Variants in BLNK observed in about 807,000 individuals in gnomAD.
BLNK encodes B cell linker, also known as B-cell linker protein.
BLNK carries 29 observed loss-of-function variants against 73.5 expected under a neutral mutation model. The ratio of observed to expected loss-of-function variants is 0.39; its 90% CI spans 0.29 to 0.54. The LOEUF (loss-of-function observed/expected upper bound fraction) is 0.54, where lower values mean the gene tolerates loss of function less well. Ranked by LOEUF, BLNK falls within the 20% of genes least tolerant of loss-of-function variation. BLNK has a pLI of 0.61. For synonymous variants in BLNK, 176 were observed against 200.8 expected, an observed-to-expected ratio of 0.88 and a Z score of 1.04; for missense variants, 460 against 562.8, an observed-to-expected ratio of 0.82 and a Z score of 1.85.
intron 1 of BLNK, among the ~76,000 whole-genome samples, chr10:96,268,096 G>A (rs1327513710): frequency 6.6e-6 from 1 of 152,068 alleles, no homozygotes; most frequent in Non-Finnish European, 1.5e-5. Flanking sequence ...AGATAACTGG[G>A]GAGACCCGAT....
intron 4 of BLNK, among the ~76,000 whole-genome samples, chr10:96,229,806 C>T (rs1842429252): frequency 6.6e-6 from 1 of 152,086 alleles, no homozygotes; most frequent in Middle Eastern, 3.4e-3. Flanking sequence ...GAAAAGTCAC[C>T]CCTTCCCCTC....
At chr10:96,197,408 G>A (rs916975492) in intron 15 of BLNK, among the ~76,000 whole-genome samples, 5 of 152,212 alleles carry the variant, frequency 3.3e-5, no homozygotes, top group South Asian at 4.2e-4. Flanking sequence ...GAGTTCAAGC[G>A]ATCCTCCCAC....
intron 3 of BLNK, among the ~76,000 whole-genome samples, chr10:96,236,225 C>T (rs1842684875): frequency 6.6e-6 from 1 of 152,128 alleles, no homozygotes; most frequent in Non-Finnish European, 1.5e-5. Flanking sequence ...CTGGAGGCTA[C>T]CCGGCCGCCA....
At chr10:96,207,495 T>C (rs1385234335) in intron 10 of BLNK, among the ~76,000 whole-genome samples, 1 of 152,240 alleles carries the variant, frequency 6.6e-6, no homozygotes, top group African/African-American at 2.4e-5. Flanking sequence ...AGGTTCACCA[T>C]GTTCTGGCCA....
chr10:96,190,989 C>A lies in BLNK; in HGVS notation c.*984G>T, dbSNP rs1228293775. Among the ~76,000 whole-genome samples, 1 of 152,140 alleles carries A rather than the reference C, an allele frequency of 6.6e-6. No homozygotes were observed. The highest frequency in any genetic ancestry group is 1.5e-5 in the Non-Finnish European group (1 of 68,026). ...ACCCAAATCTCATCTTGAATTGTAG[C>A]TCCCATAATCCCCACGTGCCATGGG... On this transcript the variant is annotated 3_prime_UTR_variant, in exon 17 of 17. Transcript: ENST00000224337.
Position 96,227,471 on chromosome 10 carries a change from T to A in BLNK, c.300A>T (p.Pro100=), listed in dbSNP as rs782066010. 1 of 1,614,230 alleles carries A rather than the reference T, an allele frequency of 6.2e-7. No homozygotes were observed. Among genetic ancestry groups the A allele is most frequent in the Non-Finnish European group, 8.5e-7 (1 of 1,180,054 alleles). ...GAACCGGCCTGGTTTCCTGCTCTAC[T>A]GGAGGCGGCTCGTAGCTGTCATCAG... ...ENADDSYEPP[P]VEQETRPVHP... is the part of the protein sequence containing the mutation. Residue 100 remains proline, a synonymous_variant, in exon 5 of 17, where the codon CCA becomes CCT. Transcript: ENST00000224337.
In BLNK at chr10:96,190,222, G is replaced by T; in HGVS notation, c.*1751C>A. 1 of 759,546 alleles carries T rather than the reference G, an allele frequency of 1.3e-6. No homozygotes were observed. The highest frequency in any genetic ancestry group is 2.4e-6 in the Non-Finnish European group (1 of 418,864). 47.1% of individuals were successfully genotyped at this position (759,546 alleles called of 1,614,324 possible). ...TCCATGTCCATCGAATCTTCCATCA[G>T]GTGGCGGCACACACTTAGGTGGGAG... On this transcript the variant is annotated 3_prime_UTR_variant, in exon 17 of 17. Transcript: ENST00000224337.
At chr10:96,197,598 T>C (rs1245137512) in intron 15 of BLNK, among the ~76,000 whole-genome samples, 2 of 152,146 alleles carry the variant, frequency 1.3e-5, no homozygotes, top group Non-Finnish European at 2.9e-5. Context: ...CAGTTGTCTA[T>C]GAAAAAAAAT....
rs2083611500 is a variant in BLNK, at chr10:96,200,767, G to A, written c.1011+215C>T. Among the ~76,000 whole-genome samples the A allele has an allele frequency of 6.6e-6, 1 of 151,878 alleles. No individual in the cohort carries two copies. Among genetic ancestry groups the A allele is most frequent in the Non-Finnish European group, 1.5e-5 (1 of 67,974 alleles). On this transcript the variant is annotated intron_variant, in intron 14 of 16. Coordinates refer to ENST00000224337, the MANE Select transcript of BLNK (RefSeq NM_013314.4). This position sits in a 1 kb window ranked among gnomAD's most constrained non-coding sequence, Gnocchi z 4.3. The stretch of plus-strand genomic sequence containing the variant: ...ATAATGAAAACACATTTCCTTGCTA[G>A]TTTTGAGGAAACATTAACTGGAGCA...
At chr10:96,264,565 C>A (rs1291762483) in intron 1 of BLNK, among the ~76,000 whole-genome samples, 8 of 151,890 alleles carry the variant, frequency 5.3e-5, no homozygotes, top group Admixed American at 3.3e-4. Context: ...CAGATTCAAT[C>A]GAAACCAATT....
At chr10:96,214,865 T>C (rs1350872585) in intron 8 of BLNK, among the ~76,000 whole-genome samples, 1 of 152,180 alleles carries the variant, frequency 6.6e-6, no homozygotes, top group Non-Finnish European at 1.5e-5. Context: ...GTAGGGGCTA[T>C]GAGCACCATT....
At chr10:96,217,459 C>T (rs1301598671) in intron 6 of BLNK, among the ~76,000 whole-genome samples, 1 of 152,178 alleles carries the variant, frequency 6.6e-6, no homozygotes, top group Middle Eastern at 3.2e-3. Flanking sequence ...TTTTTCATAT[C>T]CTCACCAACA....
rs114466954 is a variant in BLNK, at chr10:96,270,200, T to C, written c.47+1152A>G. On this transcript the variant is annotated intron_variant, in intron 1 of 16. Coordinates refer to ENST00000224337, the MANE Select transcript of BLNK (RefSeq NM_013314.4). ...GATGTTGCCTACTGATCCCAGATCA[T>C]TGATGCATTTCACATTACCTTTTAC... Among the ~76,000 whole-genome samples, 490 of 152,318 alleles carry C rather than the reference T, an allele frequency of 3.2e-3. 7 individuals are homozygous for C. The highest frequency in any genetic ancestry group is 0.011 in the African/African-American group (471 of 41,566).
chr10:96,206,918 G>T (rs928932355), intron 11 of BLNK, 93 bp downstream of exon 11: 1 of 1,340,532 alleles, frequency 7.5e-7, no homozygotes, highest in Non-Finnish European at 1.1e-6. Context: ...GTTTACAATT[G>T]CCCCAAAAAT....
chr10:96,247,257 C>T (rs1487835429), intron 1 of BLNK, among the ~76,000 whole-genome samples: 2 of 152,210 alleles, frequency 1.3e-5, no homozygotes, highest in African/African-American at 4.8e-5. Context: ...AATATGGTCA[C>T]TGGGCTGTGT....
intron 7 of BLNK, among the ~76,000 whole-genome samples, chr10:96,215,608 AT>A (rs1471140446): frequency 6.6e-6 from 1 of 152,202 alleles, no homozygotes; most frequent in Non-Finnish European, 1.5e-5. Flanking sequence ...CAGATTCATA[AT>A]TTGATATATT....
In BLNK at chr10:96,191,191, G is replaced by T. The variant is rs1237656385; in HGVS notation, c.*782C>A. 1.3e-5 allele frequency among the ~76,000 whole-genome samples: 2 copies of T among 149,636 alleles called. No individual in the cohort carries two copies. The highest frequency in any genetic ancestry group is 3.0e-5 in the Non-Finnish European group (2 of 67,734). ...TTCTTCTTTGCCTTCTGCCATGATT[G>T]TGAGGCCTCCCCAACCATGTGGAAC... On this transcript the variant is annotated 3_prime_UTR_variant, in exon 17 of 17. Transcript: ENST00000224337.
At chr10:96,211,255 G>A (rs2083941281) in intron 8 of BLNK, among the ~76,000 whole-genome samples, 1 of 152,126 alleles carries the variant, frequency 6.6e-6, no homozygotes, top group Admixed American at 6.5e-5. Flanking sequence ...ATGAGATAGA[G>A]CACAGATAAG....
At chr10:96,199,471 C>T (rs781853891) in intron 15 of BLNK, 1 of 460,070 alleles carries the variant, frequency 2.2e-6, no homozygotes, top group South Asian at 1.5e-5. Flanking sequence ...CCAAGCCTTC[C>T]ATAGACCTCC....
Sources: gnomAD v4.1 joint callset for allele counts (sites outside exome capture counted in the v4.1 genomes callset) on GRCh38, gnomAD v4.1.1 for gene constraint, Gnocchi (gnomAD v3.1) non-coding constraint, MANE v1.5 for transcripts, NCBI Gene and HGNC (gene_info 2026-07-23, HGNC 2026-07-21) for gene names.